Variants in RHOBTB3 observed in about 807,000 individuals in gnomAD.
RHOBTB3 encodes Rho related BTB domain containing 3, also known as rho-related BTB domain-containing protein 3.
A neutral mutation model predicts 67.2 loss-of-function variants in RHOBTB3; 47 were observed. The observed-to-expected ratio is 0.70, with a 90% CI of 0.55 to 0.89. The LOEUF (loss-of-function observed/expected upper bound fraction) is 0.89. RHOBTB3 is among the 40% of genes least tolerant of loss of function. The probability of loss-of-function intolerance (pLI) is 0.00; values close to 1 mark genes in which losing one functional copy is unlikely to be tolerated. For missense variants in RHOBTB3, 631 were observed against 750.0 expected, an observed-to-expected ratio of 0.84 and a Z score of 1.85; for synonymous variants, 273 against 274.2, an observed-to-expected ratio of 1.00 and a Z score of 0.04.
rs550976897 is a variant in RHOBTB3 at position 95,769,141 on chromosome 5, G to A, written c.1282+975G>A. 1.2e-4 allele frequency: 43 copies of A among 364,522 alleles called. 1 individual carries two copies. Among genetic ancestry groups the A allele is most frequent in the South Asian group, 3.8e-4 (14 of 37,046 alleles). The allele number at this position is 364,522 out of a possible 1,614,324, so 22.6% of individuals were successfully genotyped here. ...AGGTGTCGACCTTTTAGCCGATGCC[G>A]TAGCTGCTACAGTGGGGCCGAAGGG... On this transcript the variant is annotated intron_variant, in intron 8 of 11. Transcript: ENST00000379982.
intron 5 of RHOBTB3, among the ~76,000 whole-genome samples, chr5:95,754,618 C>T (rs1286009512): frequency 1.3e-5 from 2 of 152,146 alleles, no homozygotes; most frequent in Non-Finnish European, 2.9e-5. Context: ...AGATGTTTTA[C>T]AGTTAGGGTC....
chr5:95,721,821 T>A (rs1156544834), intron 1 of RHOBTB3, among the ~76,000 whole-genome samples: 1 of 152,108 alleles, frequency 6.6e-6, no homozygotes, highest in Non-Finnish European at 1.5e-5. Context: ...GCCAAAATTG[T>A]TAAATGTTTC....
At chr5:95,753,974 A>G (rs924299136) in intron 5 of RHOBTB3, among the ~76,000 whole-genome samples, 2 of 151,990 alleles carry the variant, frequency 1.3e-5, no homozygotes, top group African/African-American at 4.8e-5. Context: ...GCCGGGCATG[A>G]TGGCGACGCC....
intron 8 of RHOBTB3, among the ~76,000 whole-genome samples, chr5:95,772,506 T>C (rs1322880000): frequency 6.6e-6 from 1 of 152,066 alleles, no homozygotes; most frequent in Non-Finnish European, 1.5e-5. Context: ...TTAACCTAGG[T>C]CCTCTTGATT....
At chr5:95,764,361 A>G (rs972398554) in intron 7 of RHOBTB3, among the ~76,000 whole-genome samples, 4 of 152,152 alleles carry the variant, frequency 2.6e-5, no homozygotes, top group Admixed American at 6.5e-5. Context: ...TCCCTTTTTC[A>G]AGTGTTCTGA....
intron 3 of RHOBTB3, 98 bp from the exon 4 acceptor site, chr5:95,748,235 T>C (rs1438617243): frequency 6.3e-6 from 5 of 788,708 alleles, no homozygotes; most frequent in Non-Finnish European, 9.7e-6. Flanking sequence ...ACTGTGGCTC[T>C]AGTATGAGCT....
Position 95,793,688 on chromosome 5 carries a change from T to C in RHOBTB3, c.*514T>C, listed in dbSNP as rs1341730332. On this transcript the variant is annotated 3_prime_UTR_variant, in exon 12 of 12. Coordinates refer to ENST00000379982, the MANE Select transcript of RHOBTB3 (RefSeq NM_014899.4). ...AGTGAAATGCCACTTAGTTCTCAAT[T>C]GATGACAGTGTTTGAATCATCATAA... 4.8e-6 allele frequency: 1 copy of C among 207,812 alleles called. No individual in the cohort carries two copies. The highest frequency in any genetic ancestry group is 7.2e-5 in the South Asian group (1 of 13,886). 12.9% of individuals were successfully genotyped at this position (207,812 alleles called of 1,614,324 possible). A position where few individuals can be genotyped will look rare whatever the true frequency, so the allele number is the denominator to read the frequency against.
intron 6 of RHOBTB3, 156 bp downstream of exon 6, chr5:95,755,917 A>G: frequency 1.4e-6 from 1 of 701,178 alleles, no homozygotes; most frequent in Non-Finnish European, 2.3e-6. Context: ...TTTATATATA[A>G]GAATTGGTCC....
intron 1 of RHOBTB3, among the ~76,000 whole-genome samples, chr5:95,718,159 CT>C (rs924151554): frequency 5.9e-5 from 9 of 151,420 alleles, no homozygotes; most frequent in African/African-American, 2.4e-5. Flanking sequence ...TACTTTCCCT[CT>C]TTTTTTTTCT....
intron 7 of RHOBTB3, among the ~76,000 whole-genome samples, chr5:95,764,199 T>C (rs1238042659): frequency 6.6e-6 from 1 of 152,220 alleles, no homozygotes; most frequent in Non-Finnish European, 1.5e-5. Context: ...TTCTGAAACA[T>C]TCCCCTGGAG....
intron 7 of RHOBTB3, among the ~76,000 whole-genome samples, chr5:95,767,495 G>C (rs2112813563): frequency 6.6e-6 from 1 of 152,160 alleles, no homozygotes; most frequent in Admixed American, 6.5e-5. Context: ...ATGCCACCAT[G>C]TCCAGCTAAT....
Position 95,731,967 on chromosome 5 carries a change from G to T in RHOBTB3, c.111G>T (p.Gly37=). Residue 37 remains glycine (G), a synonymous_variant, in exon 2 of 12, where the codon GGG becomes GGT. Transcript: ENST00000379982. ...TGGGGAGAAGCCCTCTGGTCTCCGG[G>T]GACGAGAGCAGCTTGTTGCTGAACG... ...TYLGRSPLVS[G]DESSLLLNAA... The T allele has an allele frequency of 6.2e-7, 1 of 1,614,184 alleles. No homozygotes were observed. Among genetic ancestry groups the T allele is most frequent in the Non-Finnish European group, 8.5e-7 (1 of 1,180,034 alleles).
Position 95,739,133 on chromosome 5 carries a change from G to A in RHOBTB3, c.415+2058G>A, listed in dbSNP as rs1296771948. ...CTTGCTCCTGGCACATATCACCATA[G>A]ACATCATCTTCCTCTGGCCAAATTT... is the stretch of plus-strand genomic sequence containing the variant. On this transcript the variant is annotated intron_variant, in intron 3 of 11. Coordinates refer to ENST00000379982, the MANE Select transcript of RHOBTB3 (RefSeq NM_014899.4). 2.6e-5 allele frequency among the ~76,000 whole-genome samples: 4 copies of A among 152,156 alleles called. No homozygotes were observed. In the East Asian group the frequency reaches 7.7e-4, roughly 29 times the overall value.
intron 8 of RHOBTB3, 111 bp from the exon 9 acceptor site, chr5:95,780,141 G>A: frequency 1.4e-6 from 1 of 734,966 alleles, no homozygotes; most frequent in Non-Finnish European, 2.2e-6. Context: ...TTCAGATTCT[G>A]CATATCAGCC....
intron 10 of RHOBTB3, among the ~76,000 whole-genome samples, chr5:95,786,160 G>C (rs1026150163): frequency 1.3e-5 from 2 of 152,176 alleles, no homozygotes; most frequent in African/African-American, 4.8e-5. Flanking sequence ...CCAGATAACA[G>C]AAGTTTTCTT....
chr5:95,788,773 T>G lies in RHOBTB3; in HGVS notation c.1635T>G (p.Ser545=). 6.3e-7 allele frequency: 1 copy of G among 1,589,748 alleles called. No individual in the cohort carries two copies. Among genetic ancestry groups the G allele is most frequent in the Non-Finnish European group, 8.5e-7 (1 of 1,170,088 alleles). The stretch of plus-strand genomic sequence containing the variant: ...CATTTTTCTTGCAGTTTCACCACTC[T>G]GATTGCCTTTCAACCTGGCTACTTC... ...DLLKKAKFHH[S]DCLSTWLLHF... is the part of the protein sequence containing the mutation. Residue 545 remains serine, a synonymous_variant, in exon 11 of 12, where the codon TCT becomes TCG. Coordinates refer to ENST00000379982, the MANE Select transcript of RHOBTB3 (RefSeq NM_014899.4).
At chr5:95,729,303 C>T (rs927751460), upstream of RHOBTB3, among the ~76,000 whole-genome samples, 2 of 152,152 alleles carry the variant, frequency 1.3e-5, no homozygotes, top group African/African-American at 4.8e-5. Context: ...TTCTTAAGGT[C>T]AATGACCAAG....
chr5:95,760,120 A>G lies in RHOBTB3; in HGVS notation c.1049-3388A>G, dbSNP rs541027741. ...ACAGTCCGGTTAACATTTTACACCTATCTATTCCTATTCAAATTTTTGATT... is the reference window on the plus strand; with the variant it reads ...ACAGTCCGGTTAACATTTTACACCTGTCTATTCCTATTCAAATTTTTGATT... On this transcript the variant is annotated intron_variant, in intron 6 of 11. Transcript: ENST00000379982. 3.3e-5 allele frequency among the ~76,000 whole-genome samples: 5 copies of G among 152,304 alleles called. No individual in the cohort carries two copies. The East Asian group carries it at 5.8e-4, about 18-fold the overall frequency.
chr5:95,750,680 C>T (rs1473098991), intron 4 of RHOBTB3, among the ~76,000 whole-genome samples: 1 of 152,198 alleles, frequency 6.6e-6, no homozygotes, highest in Non-Finnish European at 1.5e-5. Flanking sequence ...TTTCCTGGGA[C>T]AGTCCTCCTG....
Sources: allele counts gnomAD v4.1 joint callset (sites outside exome capture counted in the v4.1 genomes callset), GRCh38; gene constraint gnomAD v4.1.1; transcripts MANE v1.5; gene names NCBI Gene and HGNC (gene_info 2026-07-23, HGNC 2026-07-21).